Variants in TOM1 observed in about 807,000 individuals in gnomAD.
The protein encoded by TOM1 is target of Myb protein 1.
Under a neutral mutation model 61.3 loss-of-function variants are expected in TOM1, and 38 were observed. That is an observed-to-expected ratio of 0.62 (90% CI 0.48 to 0.81). The LOEUF is 0.81. TOM1 is among the 40% of genes least tolerant of loss of function. TOM1 has a pLI of 0.00. For missense variants in TOM1, 591 were observed against 659.6 expected, an observed-to-expected ratio of 0.90 and a Z score of 1.14; for synonymous variants, 270 against 268.8, an observed-to-expected ratio of 1.00 and a Z score of -0.04.
chr22:35,306,447 A>G (rs1310817127), intron 1 of TOM1, among the ~76,000 whole-genome samples: 2 of 152,176 alleles, frequency 1.3e-5, no homozygotes, highest in African/African-American at 4.8e-5. Context: ...TGTCTTGAGG[A>G]TGACAGAGCT....
chr22:35,321,948 G>A lies in TOM1; in HGVS notation c.138-11G>A, dbSNP rs985642167. The stretch of plus-strand genomic sequence containing the variant: ...TATTCCTAAGCCCACCCTTTTTCTT[G>A]TCCTCCTTAGTCCCAAAGATGCCCT... On this transcript the variant is annotated splice_polypyrimidine_tract_variant and intron_variant, in intron 2 of 14. Transcript: ENST00000449058. 6.2e-7 allele frequency: 1 copy of A among 1,613,352 alleles called. No individual in the cohort carries two copies. Among genetic ancestry groups the A allele is most frequent in the African/African-American group, 1.3e-5 (1 of 74,890 alleles).
chr22:35,315,640 C>T (rs969787578), intron 1 of TOM1, among the ~76,000 whole-genome samples: 10 of 152,346 alleles, frequency 6.6e-5, no homozygotes, highest in Admixed American at 1.3e-4. Flanking sequence ...CTGCCTCAGC[C>T]GCCTGGCATG....
At chr22:35,334,860 G>A (rs955483518) in intron 11 of TOM1, among the ~76,000 whole-genome samples, 5 of 129,788 alleles carry the variant, frequency 3.9e-5, no homozygotes, top group African/African-American at 6.0e-5. Context: ...ACTGTGTACC[G>A]CATAGTAAGC....
At position 35,323,308 on chromosome 22, in the gene TOM1, G is replaced by A. The variant is rs116912627; in HGVS notation, c.366+131G>A. 19,185 of 1,432,218 alleles carry A rather than the reference G, an allele frequency of 0.013. 533 individuals are homozygous for A. The highest frequency in any genetic ancestry group is 0.11 in the East Asian group (4,716 of 43,724). The allele number at this position is 1,432,218 out of a possible 1,614,324, so 88.7% of individuals were successfully genotyped here. A position where few individuals can be genotyped will look rare whatever the true frequency, so the allele number is the denominator to read the frequency against. ...CTCATTTCGGGGCGTCTCGGTTGTC[G>A]GCTGGTGGGATGTTCTGTGGGGAGG... On this transcript the variant is annotated intron_variant, in intron 4 of 14. Transcript: ENST00000449058. This position sits in a 1 kb window ranked among gnomAD's most constrained non-coding sequence, Gnocchi z 4.2.
chr22:35,326,906 G>A (rs1322681812), intron 6 of TOM1, among the ~76,000 whole-genome samples: 1 of 151,870 alleles, frequency 6.6e-6, no homozygotes, highest in Non-Finnish European at 1.5e-5. Context: ...CCTCTAGTGG[G>A]AGAGAGAGAG....
At chr22:35,324,238 C>T (rs926263756) in intron 6 of TOM1, among the ~76,000 whole-genome samples, 10 of 152,116 alleles carry the variant, frequency 6.6e-5, no homozygotes, top group African/African-American at 1.2e-4. Flanking sequence ...GTGTCCTGTA[C>T]GCAGCCCCTT....
At chr22:35,322,173 T>C in intron 3 of TOM1, 136 bp downstream of exon 3, 1 of 727,246 alleles carries the variant, frequency 1.4e-6, no homozygotes, top group Admixed American at 2.5e-5. Context: ...CAACGCACTG[T>C]CCTGTCTACA....
chr22:35,324,989 T>C, intron 6 of TOM1, among the ~76,000 whole-genome samples: 1 of 152,134 alleles, frequency 6.6e-6, no homozygotes, highest in East Asian at 1.9e-4. Context: ...CACTGGGCCA[T>C]GAGCTGCTTG....
chr22:35,334,567 G>A (rs1399124038), intron 11 of TOM1, 119 bp downstream of exon 11: 19 of 1,251,700 alleles, frequency 1.5e-5, no homozygotes, highest in Admixed American at 3.8e-5. Context: ...TAGTAAGCAC[G>A]CCCTTAGTAT....
At chr22:35,331,883 A>C (rs1315633699) in intron 8 of TOM1, among the ~76,000 whole-genome samples, 2 of 151,874 alleles carry the variant, frequency 1.3e-5, no homozygotes, top group African/African-American at 4.8e-5. Flanking sequence ...GCAAGACTCC[A>C]TCTCAAAAAA....
intron 6 of TOM1, among the ~76,000 whole-genome samples, chr22:35,326,697 A>G (rs937441028): frequency 6.6e-6 from 1 of 151,646 alleles, no homozygotes; most frequent in Non-Finnish European, 1.5e-5. Flanking sequence ...AGAGGACGGA[A>G]TCCCAGTCCT....
intron 6 of TOM1, among the ~76,000 whole-genome samples, chr22:35,324,412 CAAA>C (rs58401864): frequency 1.3e-4 from 8 of 61,184 alleles, no homozygotes; most frequent in African/African-American, 3.0e-4. Flanking sequence ...AGACCTGTTT[CAAA>C]AAAAAAAAAA....
intron 11 of TOM1, among the ~76,000 whole-genome samples, chr22:35,337,658 A>G (rs1284404254): frequency 6.6e-6 from 1 of 152,240 alleles, no homozygotes; most frequent in African/African-American, 2.4e-5. Context: ...GCAAGCTGGT[A>G]TTGCAAGAGT....
rs1329039798 is a variant in TOM1 at position 35,345,865 on chromosome 22, G to A, written c.1284+81G>A. ...AGAAATGACCCATGGGGCCAGGGTA[G>A]ACTTATATAGCATATAGCACCCTGA... On this transcript the variant is annotated intron_variant, in intron 13 of 14. Coordinates refer to ENST00000449058, the MANE Select transcript of TOM1 (RefSeq NM_005488.3). 15 of 1,452,546 alleles carry A rather than the reference G, an allele frequency of 1.0e-5. No individual in the cohort carries two copies. In the Admixed American group the frequency reaches 2.5e-4, roughly 24 times the overall value. The allele number at this position is 1,452,546 out of a possible 1,614,324, so 90.0% of individuals were successfully genotyped here.
Position 35,323,984 on chromosome 22 carries a change from G to A in TOM1, c.648+70G>A. 3 of 1,493,774 alleles carry A rather than the reference G, an allele frequency of 2.0e-6. No individual in the cohort carries two copies. Among genetic ancestry groups the A allele is most frequent in the Non-Finnish European group, 2.7e-6 (3 of 1,117,942 alleles). 92.5% of individuals were successfully genotyped at this position (1,493,774 alleles called of 1,614,324 possible). A position where few individuals can be genotyped will look rare whatever the true frequency, so the allele number is the denominator to read the frequency against. On this transcript the variant is annotated intron_variant, in intron 6 of 14. Transcript: ENST00000449058. The surrounding 1 kb of genome is among the most constrained non-coding windows in gnomAD (Gnocchi z 4.2). ...CCACACACGTCAGGGAGGGCCCCCT[G>A]TCAGAATTTACCATCCACGGAGCCT...
At chr22:35,346,076 G>A (rs997585453) in intron 13 of TOM1, among the ~76,000 whole-genome samples, 8 of 152,232 alleles carry the variant, frequency 5.3e-5, no homozygotes, top group African/African-American at 1.7e-4. Context: ...GAGGCTAACC[G>A]AGGAAGCATA....
intron 8 of TOM1, among the ~76,000 whole-genome samples, chr22:35,331,773 GCTTA>G (rs1300817006): frequency 2.0e-5 from 3 of 152,060 alleles, no homozygotes; most frequent in African/African-American, 4.8e-5. Flanking sequence ...TGTAATCCCA[GCTTA>G]CTTGGGAGGC....
intron 3 of TOM1, chr22:35,322,326 A>G: frequency 2.5e-6 from 1 of 405,186 alleles, no homozygotes; most frequent in South Asian, 3.5e-5. Flanking sequence ...ATTGAAGCTC[A>G]GTAAACCCAG....
chr22:35,302,704 G>A (rs1264478419), intron 1 of TOM1, among the ~76,000 whole-genome samples: 1 of 152,054 alleles, frequency 6.6e-6, no homozygotes, highest in Non-Finnish European at 1.5e-5. Flanking sequence ...TTTTACACTG[G>A]CGGAGACTAA....
Sources: gnomAD v4.1 joint callset for allele counts (sites outside exome capture counted in the v4.1 genomes callset) on GRCh38, gnomAD v4.1.1 for gene constraint, Gnocchi (gnomAD v3.1) non-coding constraint, MANE v1.5 for transcripts, NCBI Gene and HGNC (gene_info 2026-07-23, HGNC 2026-07-21) for gene names.